Variants in CLN6 observed in about 807,000 individuals in gnomAD.
CLN6 encodes ceroid-lipofuscinosis neuronal protein 6.
A neutral mutation model predicts 33.3 loss-of-function variants in CLN6; 22 were observed. The ratio of observed to expected loss-of-function variants is 0.66; its 90% confidence interval spans 0.47 to 0.94. The LOEUF is 0.94. Among genes scored for constraint, CLN6 ranks in the 40% least tolerant of loss-of-function variants. The probability of loss-of-function intolerance (pLI) is 0.00; values close to 1 mark genes in which losing one functional copy is unlikely to be tolerated. For synonymous variants in CLN6, 201 were observed against 174.6 expected (o/e 1.15, Z -1.19); for missense variants, 387 against 417.1 (o/e 0.93, Z 0.63).
upstream of CLN6, among the ~76,000 whole-genome samples, chr15:68,232,779 C>T (rs1226320204): frequency 6.6e-6 from 1 of 152,216 alleles, no homozygotes; most frequent in African/African-American, 2.4e-5. This position sits in a 1 kb window ranked among gnomAD's most constrained non-coding sequence, Gnocchi z 4.7. Context: ...CAGTGGCTCA[C>T]ACCTGTAATC....
rs2141136820 is a variant in CLN6, at chr15:68,209,217, T to C, written c.665+420A>G. On this transcript the variant is annotated intron_variant, in intron 6 of 6. Transcript: ENST00000249806. This position sits in a 1 kb window ranked among gnomAD's most constrained non-coding sequence, Gnocchi z 4.9. ...TTACATTTGACAAAGCCCCTCTCTG[T>C]CCTCAGCATCCTCATCATCTGAGAG... Among the ~76,000 whole-genome samples the C allele has an allele frequency of 6.6e-6, 1 of 152,210 alleles. No homozygotes were observed. Among genetic ancestry groups the C allele is most frequent in the Middle Eastern group, 3.4e-3 (1 of 294 alleles).
chr15:68,222,598 G>A (rs1371699694), intron 1 of CLN6, among the ~76,000 whole-genome samples: 5 of 151,458 alleles, frequency 3.3e-5, no homozygotes, highest in East Asian at 1.9e-4. Context: ...CCGGCCGCCC[G>A]GTCTGGGAGG....
rs3837692 is a variant in CLN6, at chr15:68,207,979, GAC to G, written c.*159_*160del. 2,910 of 629,334 alleles carry G rather than the reference GAC, an allele frequency of 4.6e-3. 37 individuals are homozygous for G. The highest frequency in any genetic ancestry group is 0.041 in the African/African-American group (2,236 of 54,602). 39.0% of individuals were successfully genotyped at this position (629,334 alleles called of 1,614,324 possible). A position where few individuals can be genotyped will look rare whatever the true frequency, so the allele number is the denominator to read the frequency against. ...ATGCACTCTGCGCACACATATACAAGACACACACACACACACACACGAATCCA... is the reference window on the plus strand; with the variant it reads ...ATGCACTCTGCGCACACATATACAAGACACACACACACACACACGAATCCA... On this transcript the variant is annotated 3_prime_UTR_variant, in exon 7 of 7. Transcript: ENST00000249806.
intron 1 of CLN6, among the ~76,000 whole-genome samples, chr15:68,245,125 T>G (rs1892317993): frequency 6.6e-6 from 1 of 150,736 alleles, no homozygotes; most frequent in African/African-American, 2.4e-5. Context: ...GGAGTTAAAG[T>G]GCAGAGGTTT....
chr15:68,214,840 G>A (rs765061357), intron 2 of CLN6: 28 of 243,598 alleles, frequency 1.1e-4, no homozygotes, highest in African/African-American at 6.1e-4. Flanking sequence ...TACTTGGACC[G>A]TTCGGGTTCT....
chr15:68,238,843 G>A (rs1026701924), intron 1 of CLN6, among the ~76,000 whole-genome samples: 1 of 152,160 alleles, frequency 6.6e-6, no homozygotes, highest in Non-Finnish European at 1.5e-5. Context: ...CAATTATTAA[G>A]TATGTAAATA....
chr15:68,239,433 T>C (rs2141161551), intron 1 of CLN6, among the ~76,000 whole-genome samples: 1 of 152,260 alleles, frequency 6.6e-6, no homozygotes, highest in South Asian at 2.1e-4. Context: ...TGGTTTTTGC[T>C]ATTACTTTTG....
rs1211135399 is a variant in CLN6, at chr15:68,211,821, A to C, written c.340T>G (p.Tyr114Asp). 6.2e-7 allele frequency: 1 copy of C among 1,613,936 alleles called. No homozygotes were observed. Among genetic ancestry groups the C allele is most frequent in the South Asian group, 1.1e-5 (1 of 91,082 alleles). Residue 114 changes from tyrosine (Y) to aspartate (D), a missense_variant, in exon 4 of 7, where the codon TAC becomes GAC. By Grantham distance (160) the Tyr-to-Asp change is radical. Coordinates refer to ENST00000249806, the MANE Select transcript of CLN6 (RefSeq NM_017882.3). This position sits in a 1 kb window ranked among gnomAD's most constrained non-coding sequence, Gnocchi z 5.9. ...ATGATGAAGATGATGATGCTCACGT[A>C]CGTGATGGAGCGTGGCAGGGTGCGG... ...SPRTLPRSIT[Y>D]VSIIIFIMGA...
In CLN6 at chr15:68,209,446, T is replaced by C. The variant is rs1251023882; in HGVS notation, c.665+191A>G. Among the ~76,000 whole-genome samples, 1 of 152,086 alleles carries C rather than the reference T, an allele frequency of 6.6e-6. No homozygotes were observed. Among genetic ancestry groups the C allele is most frequent in the African/African-American group, 2.4e-5 (1 of 41,406 alleles). On this transcript the variant is annotated intron_variant, in intron 6 of 6. Coordinates refer to ENST00000249806, the MANE Select transcript of CLN6 (RefSeq NM_017882.3). The surrounding 1 kb of genome is among the most constrained non-coding windows in gnomAD (Gnocchi z 4.9). ...CCCACCTCCCTGCCACACCCAGGCC[T>C]GGGCTTCATGGAAACAAAGAGGCCA...
rs769007090 is a variant in CLN6, at chr15:68,209,720, G to A, written c.582C>T (p.Ser194=). The change falls in exon 6 of 7, where the codon AGC becomes AGT. Residue 194 remains serine, a synonymous_variant. Coordinates refer to ENST00000249806, the MANE Select transcript of CLN6 (RefSeq NM_017882.3). This position sits in a 1 kb window ranked among gnomAD's most constrained non-coding sequence, Gnocchi z 4.9. ...PFFLILFMYF[S]GCFTASKAES... is the part of the protein sequence containing the mutation. ...CAGCTTTAGAGGCAGTAAAGCAGCC[G>A]CTGAAGTACATGAAGAGGATGAGGA... 11 of 1,613,678 alleles carry A rather than the reference G, an allele frequency of 6.8e-6. No homozygotes were observed. Among genetic ancestry groups the A allele is most frequent in the Admixed American group, 6.7e-5 (4 of 60,002 alleles).
intron 3 of CLN6, chr15:68,212,423 G>A (rs1341525127): frequency 6.4e-6 from 1 of 156,688 alleles, no homozygotes; most frequent in Non-Finnish European, 1.4e-5. Flanking sequence ...GATGGTGATA[G>A]TAAATGGTGA....
At chr15:68,235,590 ATATATATATATATATATAT>A (rs1555440622) in intron 1 of CLN6, among the ~76,000 whole-genome samples, 9 of 102,502 alleles carry the variant, frequency 8.8e-5, no homozygotes, top group Non-Finnish European at 1.7e-4. Flanking sequence ...AAAAATAAAT[ATATATATATATATATATAT>A]ATATATATAT....
At chr15:68,212,404 A>G (rs187654389) in intron 3 of CLN6, 3 of 159,610 alleles carry the variant, frequency 1.9e-5, no homozygotes, top group Admixed American at 1.8e-4. Flanking sequence ...TCTTTCTTCA[A>G]TACAAAATGA....
rs530054399 is a variant in CLN6, at chr15:68,239,783, G to A, written c.179+16907C>T. ...AAATTACCTTGCATTCAACAATCAA[G>A]GAACAGGCATTCTTTTCAAGGACAC... On this transcript the variant is annotated intron_variant, in intron 1 of 6. Transcript: ENST00000538696. Among the ~76,000 whole-genome samples the A allele has an allele frequency of 1.6e-4, 25 of 152,208 alleles. No homozygotes were observed. The South Asian group carries it at 3.1e-3, about 19-fold the overall frequency.
In CLN6 at chr15:68,211,044, G is replaced by A. The variant is rs2093203431; in HGVS notation, c.542+219C>T. On this transcript the variant is annotated intron_variant, in intron 5 of 6. Coordinates refer to ENST00000249806, the MANE Select transcript of CLN6 (RefSeq NM_017882.3). This position sits in a 1 kb window ranked among gnomAD's most constrained non-coding sequence, Gnocchi z 5.9. The stretch of plus-strand genomic sequence containing the variant: ...TGGCGATGCTGGGGGGATGCTGGCT[G>A]GAAGCCGGGGCCTGGAGCCTGGGAC... 6.6e-6 allele frequency among the ~76,000 whole-genome samples: 1 copy of A among 152,198 alleles called. No homozygotes were observed. Among genetic ancestry groups the A allele is most frequent in the Non-Finnish European group, 1.5e-5 (1 of 68,026 alleles).
chr15:68,221,756 C>T (rs1214929388), intron 1 of CLN6, among the ~76,000 whole-genome samples: 2 of 151,436 alleles, frequency 1.3e-5, no homozygotes, highest in Non-Finnish European at 2.9e-5. Context: ...AGCGCCTCTG[C>T]CCAGCTGCCC....
At chr15:68,234,101 T>C (rs1892192379), upstream of CLN6, among the ~76,000 whole-genome samples, 1 of 152,164 alleles carries the variant, frequency 6.6e-6, no homozygotes, top group Admixed American at 6.5e-5. This position sits in a 1 kb window ranked among gnomAD's most constrained non-coding sequence, Gnocchi z 4.1. Flanking sequence ...AAGGATGCAG[T>C]TGGGCCTCAG....
At chr15:68,223,968 C>T (rs1296360867) in intron 1 of CLN6, among the ~76,000 whole-genome samples, 1 of 151,830 alleles carries the variant, frequency 6.6e-6, no homozygotes, top group Non-Finnish European at 1.5e-5. Context: ...ATCACTTAAA[C>T]CTGGGAGGCG....
chr15:68,211,136 C>T lies in CLN6; in HGVS notation c.542+127G>A, dbSNP rs369227597. 45 of 847,758 alleles carry T rather than the reference C, an allele frequency of 5.3e-5. No individual in the cohort carries two copies. In the African/African-American group the frequency reaches 6.3e-4, roughly 12 times the overall value. The allele number at this position is 847,758 out of a possible 1,614,324, so 52.5% of individuals were successfully genotyped here. ...GGAGGTTGAGCTCACAGTGCCTTTA[C>T]AGGGGATGAGACTCAACACATGGAG... On this transcript the variant is annotated intron_variant, in intron 5 of 6. Transcript: ENST00000249806. The surrounding 1 kb of genome is among the most constrained non-coding windows in gnomAD (Gnocchi z 5.9).
Sources: allele counts gnomAD v4.1 joint callset (sites outside exome capture counted in the v4.1 genomes callset), GRCh38; gene constraint gnomAD v4.1.1; non-coding constraint Gnocchi (gnomAD v3.1); transcripts MANE v1.5; gene names NCBI Gene and HGNC (gene_info 2026-07-23, HGNC 2026-07-21).